PALD1: variants seen among roughly 807,000 people sequenced by gnomAD.
PALD1 encodes phosphatase domain containing paladin 1.
A neutral mutation model predicts 96.0 loss-of-function variants in PALD1; 57 were observed. That is an observed-to-expected ratio of 0.59 (90% CI 0.48 to 0.74). PALD1 has a LOEUF of 0.74. Among genes scored for constraint, PALD1 ranks in the 30% least tolerant of loss-of-function variants. The pLI, the probability that PALD1 is intolerant of heterozygous loss-of-function variation, is 0.00. For synonymous variants in PALD1, 464 were observed against 473.6 expected (o/e 0.98, Z 0.26); for missense variants, 1,063 against 1,143.7 (o/e 0.93, Z 1.02).
Position 70,547,383 on chromosome 10 carries a change from C to T in PALD1, c.2199C>T (p.Val733=). The T allele has an allele frequency of 6.2e-7, 1 of 1,613,142 alleles. No individual in the cohort carries two copies. The highest frequency in any genetic ancestry group is 8.5e-7 in the Non-Finnish European group (1 of 1,179,430). The change falls in exon 18 of 20, where the codon GTC becomes GTT. Residue 733 remains valine, a synonymous_variant. Transcript: ENST00000263563. ...KKEVDAALDT[V]SETMTPMHYH... ...AGGTGGACGCAGCGCTGGACACTGT[C>T]AGCGAGACCATGACGCCCATGCACT...
chr10:70,476,905 GTAT>G (rs60547627), upstream of PALD1, among the ~76,000 whole-genome samples: 152,157 of 152,160 alleles, frequency 1, 76,077 homozygotes, highest in Non-Finnish European at 1. Flanking sequence ...TTGTATGTGT[GTAT>G]TATGTGCATA....
chr10:70,461,624 G>C, the PALD1 span, among the ~76,000 whole-genome samples: 14 of 152,184 alleles, frequency 9.2e-5, no homozygotes, highest in Admixed American at 9.2e-4. Flanking sequence ...ACCCATAGCA[G>C]TCCTCAGATT....
At chr10:70,554,935 C>T (rs1291262257) in intron 18 of PALD1, among the ~76,000 whole-genome samples, 1 of 5,230 alleles carries the variant, frequency 1.9e-4, no homozygotes, top group African/African-American at 6.3e-4. Context: ...CCCCTCCTCC[C>T]CCTCCCCTCC....
intron 1 of PALD1, among the ~76,000 whole-genome samples, chr10:70,491,576 A>G (rs1846099799): frequency 6.6e-6 from 1 of 152,246 alleles, no homozygotes. Flanking sequence ...TCAGATGACC[A>G]GGGGATGCTC....
intron 1 of PALD1, among the ~76,000 whole-genome samples, chr10:70,505,409 G>A (rs1564689028): frequency 6.6e-6 from 1 of 151,812 alleles, no homozygotes; most frequent in African/African-American, 2.4e-5. Context: ...TAGCCTGTTC[G>A]AGACCAACAT....
rs748184746 is a variant in PALD1, at chr10:70,547,456, C to G, written c.2262+10C>G. 1 of 1,459,178 alleles carries G rather than the reference C, an allele frequency of 6.9e-7. No individual in the cohort carries two copies. 90.4% of individuals were successfully genotyped at this position (1,459,178 alleles called of 1,614,324 possible). The stretch of plus-strand genomic sequence containing the variant: ...CTGCACCTACCGCCAGGTGAGCCCC[C>G]ACCCCACCCCACCCCACCCTGCCCC... On this transcript the variant is annotated intron_variant, in intron 18 of 19. Coordinates refer to ENST00000263563, the MANE Select transcript of PALD1 (RefSeq NM_014431.3).
At chr10:70,464,304 C>T in the PALD1 span, among the ~76,000 whole-genome samples, 18 of 151,716 alleles carry the variant, frequency 1.2e-4, no homozygotes, top group East Asian at 2.5e-3. Context: ...CTCTACCTCC[C>T]GGGTTCAAGC....
At chr10:70,519,081 C>T (rs1399641213) in intron 1 of PALD1, among the ~76,000 whole-genome samples, 4 of 152,184 alleles carry the variant, frequency 2.6e-5, no homozygotes, top group Non-Finnish European at 2.9e-5. Flanking sequence ...TCAGTTGCCT[C>T]ATCTGTGGAA....
At chr10:70,562,451 C>T (rs576730384) in intron 18 of PALD1, among the ~76,000 whole-genome samples, 130 of 152,326 alleles carry the variant, frequency 8.5e-4, no homozygotes, top group Non-Finnish European at 1.3e-3. Context: ...GACTGTGCCA[C>T]GTCTGAGGCC....
chr10:70,538,158 C>G, intron 11 of PALD1, 122 bp from the exon 12 acceptor site: 1 of 1,087,800 alleles, frequency 9.2e-7, no homozygotes, highest in South Asian at 1.4e-5. Context: ...CAGCCACTCC[C>G]TTGTCCCTGC....
In PALD1 at chr10:70,534,499, C is replaced by A; in HGVS notation, c.1097C>A (p.Pro366His). 6.2e-7 allele frequency: 1 copy of A among 1,612,680 alleles called. No individual in the cohort carries two copies. Among genetic ancestry groups the A allele is most frequent in the East Asian group, 2.2e-5 (1 of 44,854 alleles). ...QVIQSFLRMV[P>H]QGRRMVEEVD... ...ATCCAGAGCTTTCTCCGCATGGTGC[C>A]CCAGGGAAGGAGGATGGTGGAAGAG... Residue 366 changes from proline (P) to histidine (H), a missense_variant, in exon 9 of 20, where the codon CCC becomes CAC. Transcript: ENST00000263563.
At chr10:70,551,256 C>A (rs3812712) in intron 18 of PALD1, among the ~76,000 whole-genome samples, 26,088 of 152,186 alleles carry the variant, frequency 0.17, 2,491 homozygotes, top group Admixed American at 0.23. Context: ...TGGGTCTCAC[C>A]TGTGGTATCA....
chr10:70,510,896 G>T (rs74139662), intron 1 of PALD1, among the ~76,000 whole-genome samples: 2,053 of 152,262 alleles, frequency 0.013, 47 homozygotes, highest in African/African-American at 0.046. Flanking sequence ...GTTAGTGGAT[G>T]GTGCTCTAAC....
intron 19 of PALD1, 137 bp downstream of exon 19, chr10:70,564,656 A>T: frequency 1.3e-6 from 1 of 786,118 alleles, no homozygotes; most frequent in Non-Finnish European, 2.0e-6. Flanking sequence ...CCCTTTCTGC[A>T]GGAGGCTTCT....
At chr10:70,530,739 G>A (rs1240554213) in intron 4 of PALD1, among the ~76,000 whole-genome samples, 1 of 152,148 alleles carries the variant, frequency 6.6e-6, no homozygotes, top group East Asian at 1.9e-4. Flanking sequence ...TGGGGTGGGG[G>A]TGTGGGCTGT....
intron 1 of PALD1, among the ~76,000 whole-genome samples, chr10:70,494,558 C>T (rs868289461): frequency 1.3e-5 from 2 of 152,248 alleles, no homozygotes; most frequent in African/African-American, 2.4e-5. Flanking sequence ...AGAACAGTCA[C>T]GTGAACCTCG....
At chr10:70,459,601 G>A in the PALD1 span, among the ~76,000 whole-genome samples, 4 of 152,192 alleles carry the variant, frequency 2.6e-5, no homozygotes, top group East Asian at 5.8e-4. Flanking sequence ...ACCTTTGCAT[G>A]AGTCTTGGCA....
intron 1 of PALD1, among the ~76,000 whole-genome samples, chr10:70,509,378 T>C (rs1846468308): frequency 6.6e-6 from 1 of 152,200 alleles, no homozygotes; most frequent in African/African-American, 2.4e-5. Context: ...CCTGTGCTTC[T>C]CCCTTCCTCA....
At chr10:70,541,275 T>G (rs1847240508) in intron 16 of PALD1, 33 bp downstream of exon 16, 1 of 1,584,168 alleles carries the variant, frequency 6.3e-7, no homozygotes, top group Non-Finnish European at 8.6e-7. Context: ...GATTAGAGAT[T>G]TGCCTGGAGG....
Sources: gnomAD v4.1 joint callset for allele counts (sites outside exome capture counted in the v4.1 genomes callset) on GRCh38, gnomAD v4.1.1 for gene constraint, MANE v1.5 for transcripts, NCBI Gene and HGNC (gene_info 2026-07-23, HGNC 2026-07-21) for gene names.